Variants in GPC5 observed in about 807,000 individuals in gnomAD.
GPC5 encodes the protein glypican-5.
Under a neutral mutation model 53.9 loss-of-function variants are expected in GPC5, and 47 were observed. The observed-to-expected ratio is 0.87, with a 90% CI of 0.69 to 1.11. The LOEUF (loss-of-function observed/expected upper bound fraction) is 1.11. Among genes scored for constraint, GPC5 ranks in the 50% most tolerant of loss-of-function variants. The pLI, the probability that GPC5 is intolerant of heterozygous loss-of-function variation, is 0.00. For synonymous variants in GPC5, 286 were observed against 263.3 expected (o/e 1.09, Z -0.84); for missense variants, 748 against 713.1 (o/e 1.05, Z -0.56).
intron 7 of GPC5, among the ~76,000 whole-genome samples, chr13:92,632,301 C>A (rs1190681227): frequency 6.6e-6 from 1 of 151,934 alleles, no homozygotes; most frequent in African/African-American, 2.4e-5. Context: ...TCATAAGCAT[C>A]ATTTTGGCAT....
intron 2 of GPC5, among the ~76,000 whole-genome samples, chr13:91,456,510 T>C (rs187193983): frequency 6.6e-6 from 1 of 152,100 alleles, no homozygotes; most frequent in East Asian, 1.9e-4. Flanking sequence ...CCAAAATATA[T>C]TGTATTTAAA....
At chr13:92,544,928 T>C (rs1420938486) in intron 7 of GPC5, among the ~76,000 whole-genome samples, 2 of 152,174 alleles carry the variant, frequency 1.3e-5, no homozygotes, top group Admixed American at 6.5e-5. Context: ...TTTTTATTTT[T>C]TTTATTATAC....
chr13:91,408,672 C>T (rs950086337), intron 1 of GPC5, among the ~76,000 whole-genome samples: 1 of 152,114 alleles, frequency 6.6e-6, no homozygotes, highest in Non-Finnish European at 1.5e-5. Context: ...AAATATGTTT[C>T]AAATGTTGTT....
intron 2 of GPC5, among the ~76,000 whole-genome samples, chr13:91,456,566 C>A (rs1881569866): frequency 6.6e-6 from 1 of 151,766 alleles, no homozygotes; most frequent in African/African-American, 2.4e-5. Context: ...AAAGTAAAAT[C>A]AGCTTAATTA....
intron 5 of GPC5, among the ~76,000 whole-genome samples, chr13:91,774,732 G>T (rs2037682274): frequency 6.6e-6 from 1 of 152,110 alleles, no homozygotes; most frequent in Non-Finnish European, 1.5e-5. Context: ...AATGACTGAG[G>T]TTCAGAAGAT....
At position 92,062,812 on chromosome 13, in the gene GPC5, C is replaced by G. The variant is rs763470577; in HGVS notation, c.1402-82018C>G. Among the ~76,000 whole-genome samples the G allele has an allele frequency of 4.6e-5, 7 of 151,860 alleles. 1 individual carries two copies. The highest frequency in any genetic ancestry group is 7.3e-5 in the African/African-American group (3 of 41,264). On this transcript the variant is annotated intron_variant, in intron 6 of 7. Coordinates refer to ENST00000377067, the MANE Select transcript of GPC5 (RefSeq NM_004466.6). ...AAAATTAAAATATTTTCCTTTTATT[C>G]CTTATTGTTTAAGAACAATTTATAT...
chr13:92,128,129 C>A, intron 6 of GPC5, among the ~76,000 whole-genome samples: 1 of 152,278 alleles, frequency 6.6e-6, no homozygotes, highest in South Asian at 2.1e-4. Context: ...CCCTATTCTT[C>A]GGGTTTCCTC....
chr13:91,922,623 T>G (rs1391832364), intron 6 of GPC5, among the ~76,000 whole-genome samples: 4 of 152,204 alleles, frequency 2.6e-5, no homozygotes, highest in Non-Finnish European at 5.9e-5. Flanking sequence ...CATGTATTCT[T>G]ATGTTCCTTG....
At chr13:91,429,093 T>C (rs1234469738) in intron 1 of GPC5, among the ~76,000 whole-genome samples, 1 of 152,140 alleles carries the variant, frequency 6.6e-6, no homozygotes, top group African/African-American at 2.4e-5. Flanking sequence ...CTAATTTTTA[T>C]ATTTTTAGTA....
intron 7 of GPC5, among the ~76,000 whole-genome samples, chr13:92,523,021 C>T (rs1881129126): frequency 1.3e-5 from 2 of 152,094 alleles, no homozygotes; most frequent in Admixed American, 1.3e-4. Context: ...TTACAACATT[C>T]GTTGGAAAAT....
chr13:91,918,613 C>T (rs1385206559), intron 6 of GPC5, among the ~76,000 whole-genome samples: 4 of 152,136 alleles, frequency 2.6e-5, no homozygotes, highest in Non-Finnish European at 4.4e-5. Flanking sequence ...TTGCTGCCTC[C>T]GTCATTCCCC....
intron 7 of GPC5, among the ~76,000 whole-genome samples, chr13:92,342,207 G>A (rs970084949): frequency 3.9e-5 from 6 of 151,988 alleles, no homozygotes; most frequent in Non-Finnish European, 7.4e-5. Flanking sequence ...GCCTGCTTTC[G>A]GTCATGGTGC....
At chr13:92,571,625 G>T (rs1002753644) in intron 7 of GPC5, among the ~76,000 whole-genome samples, 1 of 151,716 alleles carries the variant, frequency 6.6e-6, no homozygotes, top group Non-Finnish European at 1.5e-5. Flanking sequence ...GTATCAGTGT[G>T]CTTCATGATC....
intron 7 of GPC5, among the ~76,000 whole-genome samples, chr13:92,500,233 G>C (rs530261504): frequency 2.0e-5 from 3 of 152,164 alleles, no homozygotes; most frequent in East Asian, 3.9e-4. Context: ...GATGAATAAC[G>C]TACAGTGACA....
intron 6 of GPC5, among the ~76,000 whole-genome samples, chr13:92,108,286 T>C (rs1314680488): frequency 6.6e-6 from 1 of 152,210 alleles, no homozygotes; most frequent in Admixed American, 6.6e-5. Flanking sequence ...AAAAATATCC[T>C]TAGAGGACTT....
intron 7 of GPC5, among the ~76,000 whole-genome samples, chr13:92,518,672 A>G (rs1880893338): frequency 6.6e-6 from 1 of 152,210 alleles, no homozygotes; most frequent in South Asian, 2.1e-4. Context: ...CACTGCAAAA[A>G]CATGACAAAT....
At chr13:91,565,139 A>G (rs1461014904) in intron 2 of GPC5, among the ~76,000 whole-genome samples, 2 of 151,782 alleles carry the variant, frequency 1.3e-5, no homozygotes, top group African/African-American at 4.8e-5. Flanking sequence ...ATAGGCATGC[A>G]CCACCACGCC....
At chr13:92,173,561 T>C (rs2139025017) in intron 7 of GPC5, among the ~76,000 whole-genome samples, 1 of 152,242 alleles carries the variant, frequency 6.6e-6, no homozygotes, top group East Asian at 1.9e-4. Flanking sequence ...AAATTACTTA[T>C]TCAAATTTTG....
At chr13:91,809,918 A>T (rs889880496) in intron 5 of GPC5, among the ~76,000 whole-genome samples, 1 of 152,100 alleles carries the variant, frequency 6.6e-6, no homozygotes, top group Non-Finnish European at 1.5e-5. Flanking sequence ...GCATATGCTA[A>T]TAAGCCTTTA....
Sources: gnomAD v4.1 joint callset for allele counts (sites outside exome capture counted in the v4.1 genomes callset) on GRCh38, gnomAD v4.1.1 for gene constraint, MANE v1.5 for transcripts, NCBI Gene and HGNC (gene_info 2026-07-23, HGNC 2026-07-21) for gene names.